The following IARS2 variants were observed in gnomAD, a reference collection of about 807,000 sequenced individuals.
IARS2 encodes the protein isoleucine--tRNA ligase, mitochondrial.
In IARS2, 56 loss-of-function variants were observed where a neutral mutation model predicts 126.3. The observed-to-expected ratio is 0.44, with a 90% CI of 0.36 to 0.55. The LOEUF (loss-of-function observed/expected upper bound fraction) is 0.55. IARS2 is among the 20% of genes least tolerant of loss of function. The pLI, the probability that IARS2 is intolerant of heterozygous loss-of-function variation, is 0.00. For synonymous variants in IARS2, 407 were observed against 441.1 expected (o/e 0.92, Z 0.97); for missense variants, 1,127 against 1,245.9 (o/e 0.90, Z 1.44).
At chr1:220,094,624 C>G in intron 1 of IARS2, 141 bp downstream of exon 1, 1 of 675,978 alleles carries the variant, frequency 1.5e-6, no homozygotes, top group Non-Finnish European at 2.4e-6. Flanking sequence ...AATTCGTCTG[C>G]TTCGCACAGA....
chr1:220,138,058 T>C lies in IARS2; in HGVS notation c.2175+15T>C, dbSNP rs369230643. ...ATATTAGCAAGGTTAGAACTATTATTCTTCCTATTTCTAAAGGACAAGTTT... is the reference window on the plus strand; with the variant it reads ...ATATTAGCAAGGTTAGAACTATTATCCTTCCTATTTCTAAAGGACAAGTTT... On this transcript the variant is annotated intron_variant, in intron 17 of 22. Coordinates refer to ENST00000366922, the MANE Select transcript of IARS2 (RefSeq NM_018060.4). 6 of 1,610,510 alleles carry C rather than the reference T, an allele frequency of 3.7e-6. No homozygotes were observed. In the African/African-American group the frequency reaches 8.0e-5, roughly 22 times the overall value.
At chr1:220,137,516 A>G in intron 16 of IARS2, 1 of 158,520 alleles carries the variant, frequency 6.3e-6, no homozygotes, top group Non-Finnish European at 1.4e-5. Flanking sequence ...TGCCCGCCTA[A>G]CATCCTGTAA....
chr1:220,138,107 G>A, intron 17 of IARS2, 64 bp downstream of exon 17: 1 of 1,545,716 alleles, frequency 6.5e-7, no homozygotes, highest in East Asian at 2.3e-5. Context: ...TTTAAAAAAT[G>A]AGACACATTT....
At chr1:220,127,467 A>G (rs937859205) in intron 14 of IARS2, among the ~76,000 whole-genome samples, 2 of 152,238 alleles carry the variant, frequency 1.3e-5, no homozygotes, top group Non-Finnish European at 2.9e-5. Flanking sequence ...CACATATTAG[A>G]GGATGTGTTT....
At chr1:220,108,880 T>TTG (rs1656741071) in intron 10 of IARS2, among the ~76,000 whole-genome samples, 2 of 149,396 alleles carry the variant, frequency 1.3e-5, no homozygotes, top group Non-Finnish European at 3.0e-5. Flanking sequence ...TTTTTTTTTT[T>TTG]TTATTGGAGG....
At position 220,145,597 on chromosome 1, in the gene IARS2, G is replaced by C. The variant is rs142486733; in HGVS notation, c.2840G>C (p.Arg947Pro). The C allele has an allele frequency of 1.9e-6, 3 of 1,613,812 alleles. No individual in the cohort carries two copies. The East Asian group carries it at 6.7e-5, about 36-fold the overall frequency. Residue 947 changes from arginine (R) to proline (P), a missense_variant, in exon 22 of 23, where the codon CGA becomes CCA. Transcript: ENST00000366922. ...SESTLLAQEP[R>P]EMTADVIELK... Reference sequence around the variant, plus strand: ...TCAACTTTACTGGCTCAGGAACCACGAGAGATGACTGCAGATGTAATCGAG... The same window carrying C: ...TCAACTTTACTGGCTCAGGAACCACCAGAGATGACTGCAGATGTAATCGAG...
At chr1:220,095,099 C>T (rs974462766) in intron 1 of IARS2, among the ~76,000 whole-genome samples, 2 of 152,162 alleles carry the variant, frequency 1.3e-5, no homozygotes, top group African/African-American at 4.8e-5. Flanking sequence ...AGTGCAATGG[C>T]GCGATCTCAG....
rs1475318422 is a variant in IARS2 at position 220,120,102 on chromosome 1, T to G, written c.1641-5135T>G. On this transcript the variant is annotated intron_variant, in intron 12 of 22. Coordinates refer to ENST00000366922, the MANE Select transcript of IARS2 (RefSeq NM_018060.4). ...TCACACTTTTTTTTTTTTTTTTGAG[T>G]TGGAGTCTTGCTCTTGTTCCCCAGG... Among the ~76,000 whole-genome samples the G allele has an allele frequency of 1.9e-4, 28 of 150,410 alleles. 1 individual carries two copies. The Admixed American group carries it at 1.9e-3, about 10-fold the overall frequency.
intron 8 of IARS2, among the ~76,000 whole-genome samples, chr1:220,105,174 A>G (rs1656653348): frequency 6.6e-6 from 1 of 152,178 alleles, no homozygotes; most frequent in Admixed American, 6.5e-5. Context: ...TCCTGGGCTC[A>G]AGCAATCTTC....
intron 20 of IARS2, 152 bp downstream of exon 20, chr1:220,142,100 C>T: frequency 1.4e-6 from 1 of 723,250 alleles, no homozygotes. Context: ...GTTTCTGCAC[C>T]TATTTGTAGA....
At chr1:220,108,043 C>T (rs1656716752) in intron 10 of IARS2, among the ~76,000 whole-genome samples, 1 of 152,006 alleles carries the variant, frequency 6.6e-6, no homozygotes, top group South Asian at 2.1e-4. Context: ...GGATTACAGG[C>T]ATACACCACC....
intron 12 of IARS2, among the ~76,000 whole-genome samples, chr1:220,114,982 G>T (rs1656885840): frequency 6.6e-6 from 1 of 150,420 alleles, no homozygotes; most frequent in South Asian, 2.1e-4. Flanking sequence ...GATGGACATA[G>T]TGAACAATTC....
chr1:220,147,155 G>A lies in IARS2; in HGVS notation c.2897-338G>A, dbSNP rs1235262834. ...TTGACTTTTAAAAATTCTTAGTCAA[G>A]TATGTAGCTGGAGAGGCAGTGTCAT... On this transcript the variant is annotated intron_variant, in intron 22 of 22. Coordinates refer to ENST00000366922, the MANE Select transcript of IARS2 (RefSeq NM_018060.4). Among the ~76,000 whole-genome samples, 3 of 152,198 alleles carry A rather than the reference G, an allele frequency of 2.0e-5. No individual in the cohort carries two copies. In the East Asian group the frequency reaches 5.8e-4, roughly 29 times the overall value.
intron 16 of IARS2, 189 bp from the exon 17 acceptor site, chr1:220,137,729 C>G: frequency 1.7e-6 from 1 of 585,112 alleles, no homozygotes; most frequent in Non-Finnish European, 3.0e-6. Flanking sequence ...CACGCTCTTT[C>G]TTTTTCCAGT....
At chr1:220,146,268 G>T (rs1001071389) in intron 22 of IARS2, among the ~76,000 whole-genome samples, 7 of 152,234 alleles carry the variant, frequency 4.6e-5, no homozygotes, top group Non-Finnish European at 8.8e-5. Context: ...TGTAATCCCA[G>T]CATTTTGGGA....
intron 13 of IARS2, among the ~76,000 whole-genome samples, chr1:220,125,856 C>T (rs1483613679): frequency 6.6e-6 from 1 of 151,968 alleles, no homozygotes; most frequent in Non-Finnish European, 1.5e-5. Flanking sequence ...CCTGTAATCC[C>T]AGCACTTTGG....
At chr1:220,103,214 A>G (rs1233418540) in intron 7 of IARS2, among the ~76,000 whole-genome samples, 1 of 151,930 alleles carries the variant, frequency 6.6e-6, no homozygotes, top group East Asian at 1.9e-4. Flanking sequence ...ACGCCAGGCT[A>G]ATTTTGTATT....
intron 19 of IARS2, 89 bp from the exon 20 acceptor site, chr1:220,141,714 A>T: frequency 1.6e-6 from 2 of 1,255,048 alleles, no homozygotes; most frequent in Non-Finnish European, 2.3e-6. Flanking sequence ...ATTAGCCACT[A>T]GGAATAAACT....
Position 220,125,323 on chromosome 1 carries a change from A to C in IARS2, c.1727A>C (p.Lys576Thr). 1 of 1,610,752 alleles carries C rather than the reference A, an allele frequency of 6.2e-7. No individual in the cohort carries two copies. The highest frequency in any genetic ancestry group is 8.5e-7 in the Non-Finnish European group (1 of 1,177,036). ...CTTCCCCCTGAACAACTTCTTCCAA[A>C]AGAAGTCTTATCTGAGGTAAATTTC... ...WTLPPEQLLP[K>T]EVLSEVGGPD... Residue 576 changes from lysine (K) to threonine (T), a missense_variant, in exon 13 of 23, where the codon AAA (lysine) becomes ACA (threonine). Transcript: ENST00000366922.
Sources: gnomAD v4.1 joint callset for allele counts (sites outside exome capture counted in the v4.1 genomes callset) on GRCh38, gnomAD v4.1.1 for gene constraint, MANE v1.5 for transcripts, NCBI Gene and HGNC (gene_info 2026-07-23, HGNC 2026-07-21) for gene names.